ANKRD44: variants seen among roughly 807,000 people sequenced by gnomAD.
The protein encoded by ANKRD44 is ankyrin repeat domain 44, also known as serine/threonine-protein phosphatase 6 regulatory ankyrin repeat subunit B.
A neutral mutation model predicts 116.0 loss-of-function variants in ANKRD44; 35 were observed. The ratio of observed to expected loss-of-function variants is 0.30; its 90% CI spans 0.23 to 0.40. The LOEUF is 0.40. ANKRD44 is among the 10% of genes least tolerant of loss of function. The pLI is 1.00. For synonymous variants in ANKRD44, 435 were observed against 461.8 expected, an observed-to-expected ratio of 0.94 and a Z score of 0.74; for missense variants, 1,014 against 1,242.6, an observed-to-expected ratio of 0.82 and a Z score of 2.77.
chr2:197,254,214 G>A (rs190704852), intron 1 of ANKRD44, among the ~76,000 whole-genome samples: 4 of 152,212 alleles, frequency 2.6e-5, no homozygotes, highest in Admixed American at 1.3e-4. Context: ...CCAACATGGC[G>A]AAACCCTATC....
chr2:197,111,774 A>C (rs1405721968), intron 8 of ANKRD44, among the ~76,000 whole-genome samples: 1 of 141,172 alleles, frequency 7.1e-6, no homozygotes, highest in Non-Finnish European at 1.6e-5. Flanking sequence ...ATAAAGAAAA[A>C]GAAAAAAACA....
chr2:197,073,755 T>C (rs933018067), intron 16 of ANKRD44, among the ~76,000 whole-genome samples: 3 of 152,140 alleles, frequency 2.0e-5, no homozygotes, highest in Admixed American at 2.0e-4. Flanking sequence ...CTCTCTAATC[T>C]CTAACTTCTT....
chr2:197,125,263 T>C (rs945930023), intron 6 of ANKRD44, 118 bp downstream of exon 6: 38 of 942,000 alleles, frequency 4.0e-5, no homozygotes, highest in Non-Finnish European at 5.2e-5. Context: ...CTTCATTCAA[T>C]TGCAACCCAA....
In ANKRD44 at chr2:196,989,270, T is replaced by C. The variant is rs1473244132; in HGVS notation, c.*321A>G. The C allele has an allele frequency of 3.0e-6, 3 of 985,634 alleles. No homozygotes were observed. The highest frequency in any genetic ancestry group is 3.6e-6 in the Non-Finnish European group (3 of 831,822). 61.1% of individuals were successfully genotyped at this position (985,634 alleles called of 1,614,324 possible). ...AGCAAAAGTATATGGACATTTTCTC[T>C]AGTTTGGCAAAAAAAAAAAAAAAGG... is the stretch of plus-strand genomic sequence containing the variant. On this transcript the variant is annotated 3_prime_UTR_variant, in exon 28 of 28. Transcript: ENST00000282272.
chr2:197,053,239 C>T (rs780424117), intron 16 of ANKRD44, among the ~76,000 whole-genome samples: 2 of 152,118 alleles, frequency 1.3e-5, no homozygotes, highest in Non-Finnish European at 2.9e-5. Flanking sequence ...CACCCACATC[C>T]ATTTGCGTAC....
At position 197,289,311 on chromosome 2, in the gene ANKRD44, A is replaced by T. The variant is rs201093492; in HGVS notation, c.27+21267T>A. Among the ~76,000 whole-genome samples, 9 of 152,334 alleles carry T rather than the reference A, an allele frequency of 5.9e-5. No homozygotes were observed. In the East Asian group the frequency reaches 1.7e-3, roughly 29 times the overall value. Reference sequence around the variant, plus strand: ...GATGTGGAGAAACTAACCCATATGTATTGTTGGGGGAGTGTGAAATGGTAC... The same window carrying T: ...GATGTGGAGAAACTAACCCATATGTTTTGTTGGGGGAGTGTGAAATGGTAC... On this transcript the variant is annotated intron_variant, in intron 1 of 27. Transcript: ENST00000282272.
intron 1 of ANKRD44, among the ~76,000 whole-genome samples, chr2:197,298,892 G>T (rs2083807881): frequency 6.6e-6 from 1 of 151,606 alleles, no homozygotes; most frequent in African/African-American, 2.4e-5. Context: ...ACTCTAGCAT[G>T]GGTGACAGAG....
chr2:197,009,771 G>A lies in ANKRD44; in HGVS notation c.1925-740C>T, dbSNP rs530583910. 3.9e-5 allele frequency among the ~76,000 whole-genome samples: 6 copies of A among 152,270 alleles called. No homozygotes were observed. In the East Asian group the frequency reaches 1.2e-3, roughly 29 times the overall value. ...GGTAGTTTCCAGGCAGAGTGCCTCT[G>A]TGTTAATCTGTCTTCCCCCTTCTTC... On this transcript the variant is annotated intron_variant, in intron 18 of 27. Coordinates refer to ENST00000282272, the MANE Select transcript of ANKRD44 (RefSeq NM_001195144.2).
chr2:197,099,554 A>C, intron 10 of ANKRD44: 1 of 1,170,098 alleles, frequency 8.5e-7, no homozygotes, highest in South Asian at 2.6e-5. Context: ...TAGAAAGAAA[A>C]GTTACGAATA....
intron 27 of ANKRD44, chr2:196,990,954 G>C: frequency 8.1e-7 from 1 of 1,232,026 alleles, no homozygotes; most frequent in Non-Finnish European, 1.0e-6. Flanking sequence ...ACAAGGCAGT[G>C]GTTAGTCCTG....
intron 13 of ANKRD44, among the ~76,000 whole-genome samples, chr2:197,084,650 T>A (rs901437419): frequency 6.6e-6 from 1 of 152,232 alleles, no homozygotes; most frequent in African/African-American, 2.4e-5. Context: ...CAAGAACTTT[T>A]AAGCTACTGT....
At chr2:197,055,065 C>G (rs1161994497) in intron 16 of ANKRD44, among the ~76,000 whole-genome samples, 1 of 152,162 alleles carries the variant, frequency 6.6e-6, no homozygotes, top group Non-Finnish European at 1.5e-5. Flanking sequence ...GGATTTCTAA[C>G]CTATAACACT....
intron 2 of ANKRD44, among the ~76,000 whole-genome samples, chr2:197,174,583 A>C (rs775838659): frequency 6.6e-6 from 1 of 152,236 alleles, no homozygotes; most frequent in African/African-American, 2.4e-5. Context: ...TATAAAGACA[A>C]GGATAAAACT....
In ANKRD44 at chr2:197,213,252, G is replaced by A. The variant is rs1287429599; in HGVS notation, c.28-26146C>T. Among the ~76,000 whole-genome samples the A allele has an allele frequency of 3.3e-5, 5 of 152,310 alleles. No individual in the cohort carries two copies. In the East Asian group the frequency reaches 7.7e-4, roughly 23 times the overall value. On this transcript the variant is annotated intron_variant, in intron 1 of 27. Coordinates refer to ENST00000282272, the MANE Select transcript of ANKRD44 (RefSeq NM_001195144.2). ...CTGAAGGAAGGAGAAGTTCTCAAAG[G>A]AGAGCATTATACATCTTGTTACACA...
intron 16 of ANKRD44, among the ~76,000 whole-genome samples, chr2:197,076,598 A>T (rs892705206): frequency 2.0e-5 from 3 of 152,082 alleles, no homozygotes; most frequent in Non-Finnish European, 4.4e-5. Context: ...TCATTTTGCC[A>T]CCCAGGTACT....
At chr2:197,002,450 A>T (rs2076130285) in intron 21 of ANKRD44, among the ~76,000 whole-genome samples, 1 of 152,218 alleles carries the variant, frequency 6.6e-6, no homozygotes, top group Non-Finnish European at 1.5e-5. Context: ...AACTGAATTC[A>T]AGTTAAGTAA....
intron 18 of ANKRD44, among the ~76,000 whole-genome samples, chr2:197,013,279 A>G (rs2076330902): frequency 6.6e-6 from 1 of 152,182 alleles, no homozygotes; most frequent in African/African-American, 2.4e-5. Context: ...TTTTAGCCAA[A>G]AGTTCTGAAC....
At chr2:196,968,649 G>A (rs2125856996) in intron 21 of ANKRD44, among the ~76,000 whole-genome samples, 1 of 152,234 alleles carries the variant, frequency 6.6e-6, no homozygotes, top group South Asian at 2.1e-4. Context: ...TCAGCTCTCT[G>A]AACATACCTC....
chr2:197,170,860 T>C (rs1390260053), intron 2 of ANKRD44, among the ~76,000 whole-genome samples: 1 of 152,152 alleles, frequency 6.6e-6, no homozygotes, highest in Admixed American at 6.5e-5. Flanking sequence ...TTTGGGGCAC[T>C]GGAAGAGCCT....
Sources: gnomAD v4.1 joint callset for allele counts (sites outside exome capture counted in the v4.1 genomes callset) on GRCh38, gnomAD v4.1.1 for gene constraint, MANE v1.5 for transcripts, NCBI Gene and HGNC (gene_info 2026-07-23, HGNC 2026-07-21) for gene names.